PARVB: variants seen among roughly 807,000 people sequenced by gnomAD.
PARVB encodes the protein parvin beta.
A neutral mutation model predicts 47.0 loss-of-function variants in PARVB; 46 were observed. The ratio of observed to expected loss-of-function variants is 0.98; its 90% CI spans 0.77 to 1.25. The LOEUF (loss-of-function observed/expected upper bound fraction) is 1.25. Ranked by LOEUF, PARVB falls within the 50% of genes most tolerant of loss-of-function variation. The pLI is 0.00. For synonymous variants in PARVB, 196 were observed against 196.3 expected (o/e 1.00, Z 0.01); for missense variants, 473 against 471.6 (o/e 1.00, Z -0.03).
chr22:44,148,135 G>A, intron 9 of PARVB: 1 of 584,640 alleles, frequency 1.7e-6, no homozygotes, highest in Non-Finnish European at 3.1e-6. Context: ...GTGTCTTCCT[G>A]CCCGCCCGCT....
intron 1 of PARVB, among the ~76,000 whole-genome samples, chr22:44,077,911 T>A (rs531290982): frequency 2.6e-5 from 4 of 152,212 alleles, no homozygotes; most frequent in Admixed American, 2.0e-4. Context: ...TTGGCCAGGC[T>A]GGTTTCGAAC....
chr22:44,147,491 C>T, intron 8 of PARVB: 1 of 369,098 alleles, frequency 2.7e-6, no homozygotes, highest in Non-Finnish European at 5.3e-6. Context: ...GTGACATTTG[C>T]CAGTAGACAA....
chr22:44,019,329 C>T (rs553545072), upstream of PARVB, among the ~76,000 whole-genome samples: 1 of 152,154 alleles, frequency 6.6e-6, no homozygotes, highest in South Asian at 2.1e-4. Flanking sequence ...AGGTGATTCT[C>T]CTGCCTCAGC....
intron 2 of PARVB, among the ~76,000 whole-genome samples, chr22:44,019,169 G>A (rs1040561166): frequency 6.6e-6 from 1 of 151,828 alleles, no homozygotes; most frequent in Non-Finnish European, 1.5e-5. Flanking sequence ...TGCCCGCCTC[G>A]GCCTCCCAAA....
intron 1 of PARVB, among the ~76,000 whole-genome samples, chr22:44,041,370 T>G (rs1219642875): frequency 6.6e-6 from 1 of 152,114 alleles, no homozygotes; most frequent in Non-Finnish European, 1.5e-5. Context: ...CATATGCCTG[T>G]GGTCTCAGCC....
chr22:44,051,608 A>G (rs1021468148), intron 1 of PARVB, among the ~76,000 whole-genome samples: 2 of 152,188 alleles, frequency 1.3e-5, no homozygotes, highest in Non-Finnish European at 2.9e-5. Flanking sequence ...AATGAGGCGA[A>G]TGCCGGGAAG....
At chr22:44,048,992 T>C (rs2051161454) in intron 1 of PARVB, among the ~76,000 whole-genome samples, 1 of 152,188 alleles carries the variant, frequency 6.6e-6, no homozygotes, top group African/African-American at 2.4e-5. Flanking sequence ...GCCTGGCCTA[T>C]TTCACTCCAT....
At chr22:44,107,908 C>T (rs2052604016) in intron 3 of PARVB, 1 of 151,838 alleles carries the variant, frequency 6.6e-6, no homozygotes. Flanking sequence ...GAGTCTCACA[C>T]TGTCGGCCAG....
chr22:44,166,892 G>A (rs879549941), intron 12 of PARVB, among the ~76,000 whole-genome samples: 2 of 152,244 alleles, frequency 1.3e-5, no homozygotes, highest in Non-Finnish European at 2.9e-5. Flanking sequence ...AGAATGGGGT[G>A]CAGTGGCTGC....
intron 1 of PARVB, among the ~76,000 whole-genome samples, chr22:44,025,009 C>T (rs2050706251): frequency 6.6e-6 from 1 of 152,168 alleles, no homozygotes; most frequent in Admixed American, 6.5e-5. Context: ...TCACGAAACA[C>T]TACCAACCTC....
In PARVB at chr22:44,027,914, C is replaced by CATATATATATAT. The variant is rs3083338; in HGVS notation, c.112+3478_112+3489dup. Among the ~76,000 whole-genome samples the CATATATATATAT allele has an allele frequency of 5.1e-3, 675 of 133,154 alleles. 1 individual carries two copies. Among genetic ancestry groups the CATATATATATAT allele is most frequent in the African/African-American group, 0.015 (522 of 35,742 alleles). 87.4% of individuals were successfully genotyped at this position (133,154 alleles called of 152,430 possible). A position where few individuals can be genotyped will look rare whatever the true frequency, so the allele number is the denominator to read the frequency against. ...CTCCATATCAAATAGAAAAAAAAAC[C>CATATATATATAT]ATATATATATATATATATATATATA... On this transcript the variant is annotated intron_variant, in intron 1 of 12. Coordinates refer to ENST00000338758, the MANE Select transcript of PARVB (RefSeq NM_013327.5).
At chr22:44,100,679 GCCTTCTTGGGCAGCGGCTGT>G (rs888921244) in intron 3 of PARVB, among the ~76,000 whole-genome samples, 29 of 152,328 alleles carry the variant, frequency 1.9e-4, no homozygotes, top group African/African-American at 5.8e-4. Context: ...CATGGTGCTG[GCCTTCTTGGGCAGCGGCTGT>G]CCTTCTCCAG....
At chr22:44,122,627 T>C (rs2053096653) in intron 4 of PARVB, among the ~76,000 whole-genome samples, 1 of 146,480 alleles carries the variant, frequency 6.8e-6, no homozygotes, top group Non-Finnish European at 1.5e-5. Flanking sequence ...CTGCTTTCTC[T>C]CCCACGTATA....
upstream of PARVB, among the ~76,000 whole-genome samples, chr22:44,020,470 A>G (rs2050634712): frequency 1.3e-5 from 2 of 152,146 alleles, no homozygotes. Flanking sequence ...CATTGCATCC[A>G]GCCACCTGCC....
chr22:44,063,506 C>T (rs558534323), intron 1 of PARVB, among the ~76,000 whole-genome samples: 86 of 152,256 alleles, frequency 5.6e-4, no homozygotes, highest in African/African-American at 2.0e-3. Flanking sequence ...GGATTACAGG[C>T]GTGAGCCACC....
At chr22:44,030,504 A>G (rs779674582) in intron 1 of PARVB, among the ~76,000 whole-genome samples, 1 of 151,806 alleles carries the variant, frequency 6.6e-6, no homozygotes, top group Non-Finnish European at 1.5e-5. Flanking sequence ...CAAACACAGG[A>G]GCTTGGAACC....
intron 8 of PARVB, chr22:44,145,480 C>A (rs1277414349): frequency 6.6e-6 from 1 of 152,278 alleles, no homozygotes; most frequent in African/African-American, 2.4e-5. Flanking sequence ...CTGCGGCTCC[C>A]AGGGCTGCTC....
At chr22:44,092,584 G>C (rs750836403) in intron 1 of PARVB, among the ~76,000 whole-genome samples, 53 of 152,188 alleles carry the variant, frequency 3.5e-4, no homozygotes, top group Non-Finnish European at 5.9e-4. Context: ...CGTCCTGAAG[G>C]CTGGGTCCAC....
chr22:44,017,543 A>G lies in PARVB; in HGVS notation c.211+17870A>G, dbSNP rs538324241. Reference sequence around the variant, plus strand: ...CTAGTTCTGCTTGAAATGTGGGGCCACTGTTCTTTCACACTGTAATGGCAT... The same window carrying G: ...CTAGTTCTGCTTGAAATGTGGGGCCGCTGTTCTTTCACACTGTAATGGCAT... On this transcript the variant is annotated intron_variant, in intron 2 of 13. Transcript: ENST00000406477. 1.2e-4 allele frequency among the ~76,000 whole-genome samples: 18 copies of G among 152,334 alleles called. No individual in the cohort carries two copies. The South Asian group carries it at 3.7e-3, about 32-fold the overall frequency.
Sources: allele counts gnomAD v4.1 joint callset (sites outside exome capture counted in the v4.1 genomes callset), GRCh38; gene constraint gnomAD v4.1.1; transcripts MANE v1.5; gene names NCBI Gene and HGNC (gene_info 2026-07-23, HGNC 2026-07-21).